MBP: variants seen among roughly 807,000 people sequenced by gnomAD.
MBP encodes Golli-MBP.
MBP carries 16 observed loss-of-function variants against 35.8 expected under a neutral mutation model. The ratio of observed to expected loss-of-function variants is 0.45; its 90% confidence interval spans 0.30 to 0.68. The LOEUF (loss-of-function observed/expected upper bound fraction) is 0.68, where lower values mean the gene tolerates loss of function less well. Ranked by LOEUF, MBP falls within the 30% of genes least tolerant of loss-of-function variation. The pLI is 0.08. For missense variants in MBP, 380 were observed against 404.7 expected (o/e 0.94, Z 0.52); for synonymous variants, 143 against 159.6 (o/e 0.90, Z 0.78).
intron 2 of MBP, among the ~76,000 whole-genome samples, chr18:77,086,749 T>C: frequency 6.6e-6 from 1 of 152,226 alleles, no homozygotes; most frequent in East Asian, 1.9e-4. Context: ...ACCGATTTTC[T>C]TTTACATGTT....
chr18:77,013,510 T>C, intron 4 of MBP: 2 of 985,204 alleles, frequency 2.0e-6, no homozygotes, highest in Non-Finnish European at 2.4e-6. Flanking sequence ...GGAAAAAAAA[T>C]CAGGCAACAG....
chr18:77,106,793 A>G lies in MBP; in HGVS notation c.-25-1507T>C, dbSNP rs373189788. On this transcript the variant is annotated intron_variant, in intron 1 of 8. Coordinates refer to ENST00000355994, the MANE Select transcript of MBP (RefSeq NM_001025101.2). ...TGATATGTATGATTTTAAAAACGCA[A>G]GGCTACCTTTGCGGATGATTTCGGT... 1.8e-4 allele frequency among the ~76,000 whole-genome samples: 27 copies of G among 152,338 alleles called. 1 individual carries two copies. In the East Asian group the frequency reaches 3.5e-3, roughly 20 times the overall value.
rs1976001434 is a variant in MBP at position 77,101,404 on chromosome 18, G to A, written c.51+3807C>T. Among the ~76,000 whole-genome samples, 1 of 152,244 alleles carries A rather than the reference G, an allele frequency of 6.6e-6. No individual in the cohort carries two copies. The highest frequency in any genetic ancestry group is 2.1e-4 in the South Asian group (1 of 4,834). On this transcript the variant is annotated intron_variant, in intron 2 of 8. Coordinates refer to ENST00000355994, the MANE Select transcript of MBP (RefSeq NM_001025101.2). The surrounding 1 kb of genome is among the most constrained non-coding windows in gnomAD (Gnocchi z 4.3). ...ACAGGGAGTCAAAGGCAGAACAGGAGTTTCTTCGTTTCTGAGAAGGAGCGC... is the reference window on the plus strand; with the variant it reads ...ACAGGGAGTCAAAGGCAGAACAGGAATTTCTTCGTTTCTGAGAAGGAGCGC...
At chr18:77,114,189 T>C (rs1329028976) in intron 1 of MBP, 1 of 152,206 alleles carries the variant, frequency 6.6e-6, no homozygotes, top group African/African-American at 2.4e-5. Flanking sequence ...TCAGGTAGAT[T>C]TATGGCACTG....
chr18:76,987,351 C>T (rs1318209697), intron 7 of MBP: 4 of 985,300 alleles, frequency 4.1e-6, no homozygotes, highest in South Asian at 4.7e-5. Context: ...TGATTGTCAT[C>T]GTTTTGCAAA....
intron 3 of MBP, among the ~76,000 whole-genome samples, chr18:77,051,540 C>T (rs1439979678): frequency 6.6e-6 from 1 of 152,210 alleles, no homozygotes; most frequent in Non-Finnish European, 1.5e-5. Flanking sequence ...AATGCCTCTG[C>T]AGCAACCACA....
chr18:77,022,322 T>C (rs1303748118), intron 3 of MBP, among the ~76,000 whole-genome samples: 1 of 152,210 alleles, frequency 6.6e-6, no homozygotes, highest in Admixed American at 6.5e-5. Context: ...GGCTGAGCCC[T>C]GTGCCTGAAA....
chr18:77,014,004 G>A (rs1568289219), intron 4 of MBP: 2 of 985,404 alleles, frequency 2.0e-6, no homozygotes, highest in Non-Finnish European at 2.4e-6. Context: ...CGACAATCTT[G>A]GCCCTAAGTG....
At chr18:77,005,880 C>T (rs550151668) in intron 4 of MBP, 15 of 152,368 alleles carry the variant, frequency 9.8e-5, no homozygotes, top group East Asian at 3.9e-4. Context: ...TTTCAGAGGA[C>T]GAGGCTCCTG....
intron 3 of MBP, among the ~76,000 whole-genome samples, chr18:77,028,841 ACTTCCC>A (rs1972384238): frequency 1.1e-5 from 1 of 90,120 alleles, no homozygotes; most frequent in African/African-American, 4.0e-5. Flanking sequence ...GACGCTCCTC[ACTTCCC>A]AGATGTGATG....
chr18:77,021,053 C>A (rs1428912535), intron 3 of MBP, among the ~76,000 whole-genome samples: 1 of 152,200 alleles, frequency 6.6e-6, no homozygotes, highest in Non-Finnish European at 1.5e-5. Flanking sequence ...AACTAAATGT[C>A]TGGAAGAGTG....
chr18:77,023,142 C>T (rs1052395475), intron 3 of MBP, among the ~76,000 whole-genome samples: 1 of 152,314 alleles, frequency 6.6e-6, no homozygotes, highest in South Asian at 2.1e-4. Flanking sequence ...AAATCACTGA[C>T]CATCTGTGAG....
At chr18:77,133,095 C>T (rs1164623338), upstream of MBP, among the ~76,000 whole-genome samples, 2 of 152,092 alleles carry the variant, frequency 1.3e-5, no homozygotes, top group African/African-American at 2.4e-5. Context: ...CCGAACCCAC[C>T]CCGACCCCGA....
In MBP at chr18:77,122,687, C is replaced by T. The variant is rs375691798; in HGVS notation, c.-26+9893G>A. ...CCTCCCGAGTAGCTGGGATTACAGGCGCCCACCACCACGCCTGGCTAATTT... is the reference window on the plus strand; with the variant it reads ...CCTCCCGAGTAGCTGGGATTACAGGTGCCCACCACCACGCCTGGCTAATTT... On this transcript the variant is annotated intron_variant, in intron 1 of 8. Coordinates refer to ENST00000355994, the MANE Select transcript of MBP (RefSeq NM_001025101.2). Among the ~76,000 whole-genome samples the T allele has an allele frequency of 2.4e-3, 360 of 152,212 alleles. 2 individuals carry two copies. The highest frequency in any genetic ancestry group is 8.2e-3 in the African/African-American group (341 of 41,524).
At chr18:77,012,732 G>A (rs1451078448) in intron 4 of MBP, 1 of 955,238 alleles carries the variant, frequency 1.0e-6, no homozygotes, top group Non-Finnish European at 1.2e-6. Context: ...CTGACGTGGT[G>A]GGGGCAACCA....
intron 4 of MBP, among the ~76,000 whole-genome samples, chr18:76,997,714 A>C (rs2974263): frequency 6.7e-6 from 1 of 149,588 alleles, no homozygotes; most frequent in Non-Finnish European, 1.5e-5. Flanking sequence ...ACGGAGTCTC[A>C]CTTTGTCCCC....
chr18:77,028,305 G>C (rs1426946783), intron 3 of MBP, among the ~76,000 whole-genome samples: 2 of 137,286 alleles, frequency 1.5e-5, no homozygotes, highest in African/African-American at 5.2e-5. Flanking sequence ...ACAGGGTTGG[G>C]GGTAAGGTCA....
At chr18:77,061,415 G>C (rs8089096) in intron 3 of MBP, among the ~76,000 whole-genome samples, 61,439 of 152,174 alleles carry the variant, frequency 0.4, 14,937 homozygotes, top group African/African-American at 0.69. Flanking sequence ...GAGGAGATGG[G>C]AGAGTCCCAC....
chr18:77,076,799 C>T (rs557747124), intron 2 of MBP, among the ~76,000 whole-genome samples: 7 of 152,218 alleles, frequency 4.6e-5, no homozygotes, highest in East Asian at 1.9e-4. Context: ...CAAGTAGGCA[C>T]GAAAACCACC....
Sources: allele counts gnomAD v4.1 joint callset (sites outside exome capture counted in the v4.1 genomes callset), GRCh38; gene constraint gnomAD v4.1.1; non-coding constraint Gnocchi (gnomAD v3.1); transcripts MANE v1.5; gene names NCBI Gene and HGNC (gene_info 2026-07-23, HGNC 2026-07-21).